The following ZFHX3 variants were observed in gnomAD, a reference collection of about 807,000 sequenced individuals.
ZFHX3 encodes the protein zinc finger homeobox 3.
In ZFHX3, 42 loss-of-function variants were observed where a neutral mutation model predicts 279.1. The ratio of observed to expected loss-of-function variants is 0.15; its 90% CI spans 0.12 to 0.19. The LOEUF (loss-of-function observed/expected upper bound fraction) is 0.19, where lower values mean the gene tolerates loss of function less well. Among genes scored for constraint, ZFHX3 ranks in the 10% least tolerant of loss-of-function variants. The probability of loss-of-function intolerance (pLI) is 1.00; values close to 1 mark genes in which losing one functional copy is unlikely to be tolerated. For synonymous variants in ZFHX3, 2,293 were observed against 1,957.8 expected (o/e 1.17, Z -4.52); for missense variants, 4,981 against 4,754.0 (o/e 1.05, Z -1.40).
At chr16:73,133,719 G>C (rs750970006) in intron 6 of ZFHX3, among the ~76,000 whole-genome samples, 316 of 152,240 alleles carry the variant, frequency 2.1e-3, no homozygotes, top group African/African-American at 7.0e-3. Flanking sequence ...CTAATTTGTG[G>C]TACTTTCTTT....
chr16:73,808,257 A>T (rs1012373212), intron 1 of ZFHX3, among the ~76,000 whole-genome samples: 2 of 152,232 alleles, frequency 1.3e-5, no homozygotes, highest in African/African-American at 4.8e-5. Context: ...CTTTGTGAGA[A>T]TAATTGAGAA....
Position 72,797,486 on chromosome 16 carries a change from T to C in ZFHX3, c.5196A>G (p.Gln1732=), listed in dbSNP as rs935823335. The C allele has an allele frequency of 1.7e-4, 275 of 1,610,738 alleles. 2 individuals are homozygous for C. In the South Asian group the frequency reaches 2.1e-3, roughly 12 times the overall value. Residue 1732 remains glutamine, a synonymous_variant, in exon 9 of 10, where the codon CAA becomes CAG. Coordinates refer to ENST00000268489, the MANE Select transcript of ZFHX3 (RefSeq NM_006885.4). ...RQQQQQQQQQ[Q]QQQQQQQQQA... ...GTTGTTGTTGTTGTTGTTGTTGTTG[T>C]TGCTGTTGCTGCTGCTGTTGTTGCT...
intron 5 of ZFHX3, among the ~76,000 whole-genome samples, chr16:73,210,727 A>G (rs1267346693): frequency 6.6e-6 from 1 of 152,168 alleles, no homozygotes; most frequent in Non-Finnish European, 1.5e-5. Flanking sequence ...GTCACAATTA[A>G]TCCTCTCTCA....
intron 1 of ZFHX3, among the ~76,000 whole-genome samples, chr16:73,682,990 GAAAA>G (rs1567550407): frequency 7.0e-5 from 2 of 28,430 alleles, no homozygotes; most frequent in Admixed American, 4.7e-4. Flanking sequence ...AAGAAAGAAA[GAAAA>G]GAAAGAAAGA....
In ZFHX3 at chr16:73,289,612, A is replaced by T. The variant is rs370982619; in HGVS notation, c.-1194+28628T>A. Among the ~76,000 whole-genome samples the T allele has an allele frequency of 1.1e-4, 17 of 152,106 alleles. No individual in the cohort carries two copies. In the East Asian group the frequency reaches 2.3e-3, roughly 21 times the overall value. Reference sequence around the variant, plus strand: ...GCAATCCAAGCCATGTCCCCAGGGCACCTTGAGTGCCATCCCCAAGCAGGA... The same window carrying T: ...GCAATCCAAGCCATGTCCCCAGGGCTCCTTGAGTGCCATCCCCAAGCAGGA... On this transcript the variant is annotated intron_variant, in intron 4 of 17. Transcript: ENST00000641206.
Position 72,797,483 on chromosome 16 carries a change from T to TTGTTGC in ZFHX3, c.5193_5198dup (p.Gln1740_Gln1741dup), listed in dbSNP as rs763330965. The TTGTTGC allele has an allele frequency of 1.0e-5, 16 of 1,597,260 alleles. No homozygotes were observed. Among genetic ancestry groups the TTGTTGC allele is most frequent in the African/African-American group, 1.3e-5 (1 of 74,248 alleles). ...CTTGTTGTTGTTGTTGTTGTTGTTG[T>TTGTTGC]TGTTGCTGTTGCTGCTGCTGTTGTT... On this transcript the variant is annotated inframe_insertion, in exon 9 of 10. Coordinates refer to ENST00000268489, the MANE Select transcript of ZFHX3 (RefSeq NM_006885.4).
rs534600131 is a variant in ZFHX3, at chr16:73,124,010, G to C, written c.-897+6958C>G. The stretch of plus-strand genomic sequence containing the variant: ...ACCCAGTCTGTGGTGTTTTGTTATA[G>C]CAGTACAGATGGACTAAGACAGATG... On this transcript the variant is annotated intron_variant, in intron 7 of 17. Transcript: ENST00000641206. 2.0e-5 allele frequency among the ~76,000 whole-genome samples: 3 copies of C among 152,262 alleles called. No individual in the cohort carries two copies. The South Asian group carries it at 6.2e-4, about 32-fold the overall frequency.
chr16:73,635,270 C>A (rs8063672), intron 2 of ZFHX3, among the ~76,000 whole-genome samples: 6 of 152,128 alleles, frequency 3.9e-5, no homozygotes, highest in African/African-American at 1.4e-4. Context: ...AATAGGCACA[C>A]GTTGTATTCT....
intron 3 of ZFHX3, among the ~76,000 whole-genome samples, chr16:73,445,259 T>C (rs959589713): frequency 3.4e-5 from 5 of 145,598 alleles, no homozygotes; most frequent in Non-Finnish European, 1.5e-5. Context: ...TGTATATGTG[T>C]GTATATGTAT....
intron 2 of ZFHX3, among the ~76,000 whole-genome samples, chr16:73,654,865 T>C (rs1269478485): frequency 1.1e-4 from 16 of 143,728 alleles, no homozygotes; most frequent in African/African-American, 3.6e-4. Context: ...TTTTTTTTTT[T>C]TTTTTTTTTT....
rs546217066 is a variant in ZFHX3 at position 73,551,657 on chromosome 16, A to T, written c.-1546-95399T>A. ...AGAAGTGTTTCTCTTAAAAGGAGTCAGTTTATCAAGCCATAAAGATTACAT... is the reference window on the plus strand; with the variant it reads ...AGAAGTGTTTCTCTTAAAAGGAGTCTGTTTATCAAGCCATAAAGATTACAT... On this transcript the variant is annotated intron_variant, in intron 2 of 17. Coordinates refer to the ZFHX3 transcript ENST00000641206. Among the ~76,000 whole-genome samples the T allele has an allele frequency of 4.6e-5, 7 of 152,342 alleles. 1 individual carries two copies. The South Asian group carries it at 1.4e-3, about 32-fold the overall frequency.
chr16:73,520,656 A>G (rs2019594490), intron 2 of ZFHX3, among the ~76,000 whole-genome samples: 1 of 152,240 alleles, frequency 6.6e-6, no homozygotes, highest in South Asian at 2.1e-4. Flanking sequence ...GCAAGCATAC[A>G]TAGTAGACAT....
At chr16:72,934,767 C>A (rs1013076498) in intron 3 of ZFHX3, among the ~76,000 whole-genome samples, 64 of 152,316 alleles carry the variant, frequency 4.2e-4, no homozygotes, top group African/African-American at 1.5e-3. Flanking sequence ...AACTGTGGAT[C>A]ATGACCCATT....
At chr16:73,014,358 A>G (rs952987206) in intron 1 of ZFHX3, 2 of 150,396 alleles carry the variant, frequency 1.3e-5, no homozygotes, top group African/African-American at 4.9e-5. Flanking sequence ...ATCAACAGCC[A>G]TTCTTTAGAC....
intron 3 of ZFHX3, among the ~76,000 whole-genome samples, chr16:72,930,685 C>A (rs969195377): frequency 3.9e-5 from 6 of 152,112 alleles, no homozygotes; most frequent in African/African-American, 1.4e-4. Flanking sequence ...CAGATCAGAA[C>A]TGATACATTT....
intron 1 of ZFHX3, among the ~76,000 whole-genome samples, chr16:73,692,104 G>GA (rs1484033664): frequency 2.0e-5 from 3 of 152,178 alleles, no homozygotes; most frequent in African/African-American, 7.2e-5. Flanking sequence ...CTGGTGGTTT[G>GA]AAAATACGTC....
intron 1 of ZFHX3, among the ~76,000 whole-genome samples, chr16:73,037,712 A>G (rs1360350676): frequency 6.6e-6 from 1 of 152,176 alleles, no homozygotes; most frequent in Non-Finnish European, 1.5e-5. Context: ...GACACAGCCC[A>G]GGGCACCCAG....
intron 1 of ZFHX3, among the ~76,000 whole-genome samples, chr16:73,822,261 C>T (rs1407605450): frequency 6.6e-6 from 1 of 152,134 alleles, no homozygotes; most frequent in African/African-American, 2.4e-5. Context: ...CTCTGATCTC[C>T]ATTCACCAAA....
chr16:73,301,107 A>G (rs138980590), intron 4 of ZFHX3, among the ~76,000 whole-genome samples: 1 of 152,200 alleles, frequency 6.6e-6, no homozygotes, highest in African/African-American at 2.4e-5. Context: ...AGAAGTCTCA[A>G]ATCTGGTTGT....
Sources: gnomAD v4.1 joint callset for allele counts (sites outside exome capture counted in the v4.1 genomes callset) on GRCh38, gnomAD v4.1.1 for gene constraint, MANE v1.5 for transcripts, NCBI Gene and HGNC (gene_info 2026-07-23, HGNC 2026-07-21) for gene names.